DCLK2: variants seen among roughly 807,000 people sequenced by gnomAD.
DCLK2 encodes the protein doublecortin like kinase 2.
In DCLK2, 31 loss-of-function variants were observed where a neutral mutation model predicts 78.4. The observed-to-expected ratio is 0.40, with a 90% CI of 0.30 to 0.53. The LOEUF is 0.53. DCLK2 is among the 20% of genes least tolerant of loss of function. The probability of loss-of-function intolerance (pLI) is 0.61; values close to 1 mark genes in which losing one functional copy is unlikely to be tolerated. For missense variants in DCLK2, 872 were observed against 973.7 expected, an observed-to-expected ratio of 0.90 and a Z score of 1.39; for synonymous variants, 407 against 374.9, an observed-to-expected ratio of 1.09 and a Z score of -0.99.
chr4:150,102,963 G>A (rs1730992493), intron 2 of DCLK2, 151 bp downstream of exon 2: 1 of 730,816 alleles, frequency 1.4e-6, no homozygotes, highest in African/African-American at 1.8e-5. Context: ...ATGTGTGTGT[G>A]TGTGTATGTA....
rs540826115 is a variant in DCLK2 at position 150,105,606 on chromosome 4, AT to A, written c.756+2795del. Among the ~76,000 whole-genome samples, 317 of 152,218 alleles carry A rather than the reference AT, an allele frequency of 2.1e-3. 1 individual carries two copies. Among genetic ancestry groups the A allele is most frequent in the Non-Finnish European group, 3.9e-3 (263 of 67,964 alleles). On this transcript the variant is annotated intron_variant, in intron 2 of 15. Transcript: ENST00000296550. ...AGATGTTCTTACTATTTGAACTAGTATATTAACTTTTGCAATTTATCCTAAA... is the reference window on the plus strand; with the variant it reads ...AGATGTTCTTACTATTTGAACTAGTAATTAACTTTTGCAATTTATCCTAAA...
chr4:150,179,887 C>T (rs1008138427), intron 2 of DCLK2, among the ~76,000 whole-genome samples: 9 of 151,960 alleles, frequency 5.9e-5, no homozygotes, highest in African/African-American at 1.5e-4. Context: ...TTCAGTATTC[C>T]GTAAGGTATG....
At chr4:150,160,843 C>T (rs535861554) in intron 2 of DCLK2, among the ~76,000 whole-genome samples, 19 of 152,204 alleles carry the variant, frequency 1.2e-4, no homozygotes, top group Non-Finnish European at 2.6e-4. Context: ...AATCCTCTGC[C>T]CCAGTGCCTC....
chr4:150,086,446 A>T (rs1475244844), intron 1 of DCLK2, among the ~76,000 whole-genome samples: 6 of 152,160 alleles, frequency 3.9e-5, no homozygotes, highest in Non-Finnish European at 1.5e-5. Context: ...CTAGTATCTG[A>T]GATTGAGATG....
At chr4:150,141,275 C>T (rs1027884869) in intron 2 of DCLK2, among the ~76,000 whole-genome samples, 5 of 152,068 alleles carry the variant, frequency 3.3e-5, no homozygotes, top group African/African-American at 4.8e-5. Flanking sequence ...GTTTGAAAAG[C>T]TTTGTAAGTT....
chr4:150,130,770 G>T (rs1369618413), intron 2 of DCLK2, among the ~76,000 whole-genome samples: 2 of 152,066 alleles, frequency 1.3e-5, no homozygotes, highest in Non-Finnish European at 2.9e-5. Flanking sequence ...TAGCATGGCA[G>T]AGGATACGGA....
intron 5 of DCLK2, among the ~76,000 whole-genome samples, chr4:150,204,621 A>G (rs1739708841): frequency 6.6e-6 from 1 of 152,288 alleles, no homozygotes; most frequent in Middle Eastern, 3.4e-3. Flanking sequence ...GCCAGACATG[A>G]TGGCTCACGC....
intron 2 of DCLK2, among the ~76,000 whole-genome samples, chr4:150,162,451 T>C (rs1735772463): frequency 1.3e-5 from 2 of 152,228 alleles, no homozygotes; most frequent in Admixed American, 1.3e-4. Flanking sequence ...ATCTTCCATA[T>C]ATATTTGTAT....
intron 13 of DCLK2, 128 bp from the exon 14 acceptor site, chr4:150,248,177 G>A: frequency 1.4e-6 from 1 of 727,956 alleles, no homozygotes; most frequent in Non-Finnish European, 2.4e-6. Context: ...TCACGTTTAG[G>A]TTTGAATCAG....
At chr4:150,224,801 G>A (rs1414971765) in intron 8 of DCLK2, among the ~76,000 whole-genome samples, 1 of 152,192 alleles carries the variant, frequency 6.6e-6, no homozygotes, top group African/African-American at 2.4e-5. Flanking sequence ...TTCTCTGGGA[G>A]ATACCTATTT....
At chr4:150,191,882 A>G (rs545458668) in intron 2 of DCLK2, among the ~76,000 whole-genome samples, 107 of 152,234 alleles carry the variant, frequency 7.0e-4, no homozygotes, top group Middle Eastern at 6.8e-3. Context: ...TTTTTCCCCA[A>G]TGAAAAGCTA....
chr4:150,092,444 G>C (rs66539203), intron 1 of DCLK2, among the ~76,000 whole-genome samples: 16,470 of 152,110 alleles, frequency 0.11, 897 homozygotes, highest in Middle Eastern at 0.13. Flanking sequence ...TAGAGTTCCA[G>C]TATCTCTACA....
chr4:150,148,792 G>A (rs541156558), intron 2 of DCLK2, among the ~76,000 whole-genome samples: 3 of 152,084 alleles, frequency 2.0e-5, no homozygotes, highest in African/African-American at 2.4e-5. Context: ...CAGCAGTTTC[G>A]GAGGGCAAGG....
intron 2 of DCLK2, among the ~76,000 whole-genome samples, chr4:150,182,984 C>A (rs1737640364): frequency 6.6e-6 from 1 of 152,000 alleles, no homozygotes; most frequent in Non-Finnish European, 1.5e-5. Context: ...TTCACACCAC[C>A]AACCGCCCCC....
At chr4:150,201,128 G>T (rs1739416565) in intron 4 of DCLK2, among the ~76,000 whole-genome samples, 1 of 152,126 alleles carries the variant, frequency 6.6e-6, no homozygotes. Context: ...ATTATTTTAT[G>T]ATTTTAGCTT....
In DCLK2 at chr4:150,256,304, C is replaced by G. The variant is rs1368145336; in HGVS notation, c.*57C>G. On this transcript the variant is annotated 3_prime_UTR_variant, in exon 16 of 16. Coordinates refer to ENST00000296550, the MANE Select transcript of DCLK2 (RefSeq NM_001040260.4). ...CAGCCCAGGAAGCCAGCCCTCTGCT[C>G]GGCCTCGCCGGCCTCCCTGCTGCAG... The G allele has an allele frequency of 6.9e-7, 1 of 1,444,690 alleles. No individual in the cohort carries two copies. The highest frequency in any genetic ancestry group is 9.1e-7 in the Non-Finnish European group (1 of 1,103,080). 89.5% of individuals were successfully genotyped at this position (1,444,690 alleles called of 1,614,324 possible).
At chr4:150,246,332 C>T (rs927194830) in intron 12 of DCLK2, among the ~76,000 whole-genome samples, 1 of 152,160 alleles carries the variant, frequency 6.6e-6, no homozygotes, top group Non-Finnish European at 1.5e-5. Flanking sequence ...CAGGCATGAG[C>T]CATCACACCC....
intron 2 of DCLK2, among the ~76,000 whole-genome samples, chr4:150,180,333 AG>A (rs1173587488): frequency 6.6e-6 from 1 of 152,184 alleles, no homozygotes; most frequent in Non-Finnish European, 1.5e-5. Context: ...GTCATTGCAT[AG>A]TTAGGTATTC....
intron 2 of DCLK2, among the ~76,000 whole-genome samples, chr4:150,153,729 G>GTTTA (rs1227594319): frequency 3.3e-5 from 5 of 152,052 alleles, no homozygotes; most frequent in Middle Eastern, 3.4e-3. Context: ...ACTCTTACAT[G>GTTTA]TTTATTAAGT....
Sources: gnomAD v4.1 joint callset for allele counts (sites outside exome capture counted in the v4.1 genomes callset) on GRCh38, gnomAD v4.1.1 for gene constraint, MANE v1.5 for transcripts, NCBI Gene and HGNC (gene_info 2026-07-23, HGNC 2026-07-21) for gene names.